Variants in TENM3 observed in about 807,000 individuals in gnomAD.
The protein encoded by TENM3 is teneurin transmembrane protein 3.
A neutral mutation model predicts 255.1 loss-of-function variants in TENM3; 63 were observed. That is an observed-to-expected ratio of 0.25 (90% confidence interval 0.20 to 0.30). TENM3 has a LOEUF of 0.30. Ranked by LOEUF, TENM3 falls within the 10% of genes least tolerant of loss-of-function variation. The probability of loss-of-function intolerance (pLI) is 1.00; values close to 1 mark genes in which losing one functional copy is unlikely to be tolerated. For missense variants in TENM3, 2,929 were observed against 3,461.1 expected (o/e 0.85, Z 3.86); for synonymous variants, 1,306 against 1,322.3 (o/e 0.99, Z 0.27).
the TENM3 span, among the ~76,000 whole-genome samples, chr4:181,473,785 G>A: frequency 6.7e-6 from 1 of 150,060 alleles, no homozygotes; most frequent in Non-Finnish European, 1.5e-5. Flanking sequence ...ACATACCTAT[G>A]TATGTGTACC....
the TENM3 span, among the ~76,000 whole-genome samples, chr4:181,913,051 G>A: frequency 1.3e-5 from 2 of 152,124 alleles, no homozygotes; most frequent in Non-Finnish European, 2.9e-5. Flanking sequence ...GCTTAGAAAG[G>A]ATACTTGAAT....
chr4:181,728,594 T>G, the TENM3 span, among the ~76,000 whole-genome samples: 1 of 152,198 alleles, frequency 6.6e-6, no homozygotes, highest in Non-Finnish European at 1.5e-5. Context: ...TGCTAATGCA[T>G]TGTAATTAGC....
At chr4:182,102,491 T>C in the TENM3 span, among the ~76,000 whole-genome samples, 1 of 152,236 alleles carries the variant, frequency 6.6e-6, no homozygotes, top group Non-Finnish European at 1.5e-5. Flanking sequence ...TCTAATGTCA[T>C]GGCCAAGAAT....
chr4:181,644,202 T>G, the TENM3 span, among the ~76,000 whole-genome samples: 2 of 151,998 alleles, frequency 1.3e-5, no homozygotes, highest in Non-Finnish European at 2.9e-5. Flanking sequence ...ATTTCCTACA[T>G]TTCCAAGCAA....
At chr4:181,550,570 A>G in the TENM3 span, among the ~76,000 whole-genome samples, 1 of 152,180 alleles carries the variant, frequency 6.6e-6, no homozygotes, top group Non-Finnish European at 1.5e-5. Flanking sequence ...ATGCACTGAT[A>G]TATCCTAGAT....
the TENM3 span, among the ~76,000 whole-genome samples, chr4:181,580,337 G>T: frequency 2.0e-5 from 3 of 152,068 alleles, no homozygotes; most frequent in Non-Finnish European, 4.4e-5. Flanking sequence ...CACGGTGGTG[G>T]CTTCCCCCGA....
At chr4:182,680,761 A>C (rs2152565723) in intron 10 of TENM3, 24 bp downstream of exon 10, 1 of 1,494,304 alleles carries the variant, frequency 6.7e-7, no homozygotes, top group East Asian at 2.3e-5. Flanking sequence ...TATTCACAGA[A>C]GTCTGTTGTT....
intron 3 of TENM3, among the ~76,000 whole-genome samples, chr4:182,406,585 G>A (rs2151058851): frequency 6.6e-6 from 1 of 152,298 alleles, no homozygotes; most frequent in South Asian, 2.1e-4. Context: ...TAGAGGACAA[G>A]TTTGGCTTTG....
chr4:182,657,947 C>G (rs938376334), intron 6 of TENM3, among the ~76,000 whole-genome samples: 1 of 152,220 alleles, frequency 6.6e-6, no homozygotes. Context: ...TGAGCCACCT[C>G]GCCCGGTGCT....
At chr4:182,322,674 A>G (rs1340368911) in intron 1 of TENM3, among the ~76,000 whole-genome samples, 1 of 152,202 alleles carries the variant, frequency 6.6e-6, no homozygotes, top group Non-Finnish European at 1.5e-5. Flanking sequence ...CTGACAGTGC[A>G]TGCTCGAGAG....
At chr4:182,535,624 C>T (rs186156348) in intron 3 of TENM3, among the ~76,000 whole-genome samples, 30 of 151,954 alleles carry the variant, frequency 2.0e-4, no homozygotes, top group Non-Finnish European at 1.8e-4. Context: ...ACCTGCCGTC[C>T]TACTACTCCA....
In TENM3 at chr4:182,773,464, G is replaced by A. The variant is rs749494434; in HGVS notation, c.4893-8G>A. 4 of 1,604,348 alleles carry A rather than the reference G, an allele frequency of 2.5e-6. No homozygotes were observed. The highest frequency in any genetic ancestry group is 2.2e-5 in the East Asian group (1 of 44,670). ...ATTTAACACCAAGTTAATGCCTCTT[G>A]TATTTAGCTATGACAGTGAAGGTCG... On this transcript the variant is annotated splice_region_variant and splice_polypyrimidine_tract_variant and intron_variant, in intron 22 of 27. Coordinates refer to ENST00000511685, the MANE Select transcript of TENM3 (RefSeq NM_001080477.4).
At chr4:181,633,503 A>C in the TENM3 span, among the ~76,000 whole-genome samples, 2 of 152,304 alleles carry the variant, frequency 1.3e-5, no homozygotes, top group South Asian at 4.1e-4. Flanking sequence ...TTCCAGAAAT[A>C]TTATGGTCTC....
the TENM3 span, among the ~76,000 whole-genome samples, chr4:181,965,963 A>C: frequency 6.6e-6 from 1 of 152,172 alleles, no homozygotes; most frequent in African/African-American, 2.4e-5. Flanking sequence ...TTGAAGCTTT[A>C]GTATCTTTGG....
At position 182,793,003 on chromosome 4, in the gene TENM3, C is replaced by T. The variant is rs775880507; in HGVS notation, c.6331C>T (p.Arg2111Trp). 6.2e-5 allele frequency: 100 copies of T among 1,613,626 alleles called. 1 individual carries two copies. The Middle Eastern group carries it at 1.2e-3, about 19-fold the overall frequency. ...WITIQYDNMG[R>W]VTKREIKIGP... ...TACAATTCAGTATGATAACATGGGTCGGGTAACCAAGAGAGAGATTAAAAT... is the reference window on the plus strand; with the variant it reads ...TACAATTCAGTATGATAACATGGGTTGGGTAACCAAGAGAGAGATTAAAAT... Residue 2111 changes from arginine (R) to tryptophan (W), a missense_variant, in exon 26 of 28, where the codon CGG becomes TGG. Coordinates refer to ENST00000511685, the MANE Select transcript of TENM3 (RefSeq NM_001080477.4). The surrounding 1 kb of genome is among the most constrained non-coding windows in gnomAD (Gnocchi z 5.7).
At chr4:181,665,891 C>T in the TENM3 span, among the ~76,000 whole-genome samples, 2 of 151,620 alleles carry the variant, frequency 1.3e-5, no homozygotes, top group Non-Finnish European at 2.9e-5. Context: ...TAAAATAATG[C>T]ATAAAATAAA....
chr4:182,264,485 A>G (rs867201709), intron 1 of TENM3, among the ~76,000 whole-genome samples: 1 of 152,222 alleles, frequency 6.6e-6, no homozygotes, highest in Non-Finnish European at 1.5e-5. Context: ...ATCTTATTAA[A>G]TAGTTAAAAG....
At chr4:181,993,541 C>T in the TENM3 span, among the ~76,000 whole-genome samples, 40,330 of 151,976 alleles carry the variant, frequency 0.27, 5,965 homozygotes, top group Middle Eastern at 0.39. Context: ...AACTAATGAA[C>T]TGGTTTCAGA....
the TENM3 span, among the ~76,000 whole-genome samples, chr4:181,691,928 C>T: frequency 6.6e-6 from 1 of 152,076 alleles, no homozygotes; most frequent in African/African-American, 2.4e-5. Context: ...TTATTGCTGC[C>T]TAGTCTTTTT....
Sources: allele counts gnomAD v4.1 joint callset (sites outside exome capture counted in the v4.1 genomes callset), GRCh38; gene constraint gnomAD v4.1.1; non-coding constraint Gnocchi (gnomAD v3.1); transcripts MANE v1.5; gene names NCBI Gene and HGNC (gene_info 2026-07-23, HGNC 2026-07-21).